CNTN5: variants seen among roughly 807,000 people sequenced by gnomAD.
CNTN5 encodes contactin-5.
In CNTN5, 77 loss-of-function variants were observed where a neutral mutation model predicts 129.1. The observed-to-expected ratio is 0.60, with a 90% CI of 0.50 to 0.72. The LOEUF is 0.72. CNTN5 is among the 30% of genes least tolerant of loss of function. CNTN5 has a pLI of 0.00. For synonymous variants in CNTN5, 509 were observed against 465.6 expected, an observed-to-expected ratio of 1.09 and a Z score of -1.20; for missense variants, 1,478 against 1,328.8, an observed-to-expected ratio of 1.11 and a Z score of -1.75.
chr11:100,337,440 A>G, intron 21 of CNTN5: 2 of 753,030 alleles, frequency 2.7e-6, no homozygotes, highest in East Asian at 5.0e-5. Context: ...TGTGGCCCAA[A>G]ATCAGGTGTT....
intron 7 of CNTN5, among the ~76,000 whole-genome samples, chr11:99,937,735 GACAA>G (rs1465064296): frequency 2.0e-5 from 3 of 152,182 alleles, no homozygotes; most frequent in Admixed American, 1.3e-4. Context: ...CTCGAAGCTT[GACAA>G]ACAGGCCAGG....
intron 1 of CNTN5, among the ~76,000 whole-genome samples, chr11:99,110,912 G>A (rs1476316070): frequency 6.6e-6 from 1 of 151,986 alleles, no homozygotes; most frequent in Non-Finnish European, 1.5e-5. Context: ...ATAAAACTTT[G>A]TTTTTATTTT....
intron 3 of CNTN5, among the ~76,000 whole-genome samples, chr11:99,659,005 C>T (rs1199178541): frequency 6.6e-6 from 1 of 151,930 alleles, no homozygotes; most frequent in Non-Finnish European, 1.5e-5. Context: ...GCACAAACAT[C>T]ATTTTATATT....
At chr11:99,289,933 C>T (rs1041193585) in intron 1 of CNTN5, among the ~76,000 whole-genome samples, 5 of 151,734 alleles carry the variant, frequency 3.3e-5, no homozygotes, top group African/African-American at 9.7e-5. Flanking sequence ...ATAGTCTCCT[C>T]GTGAACTTAC....
rs1323642824 is a variant in CNTN5 at position 100,356,825 on chromosome 11, C to A, written c.*605C>A. The stretch of plus-strand genomic sequence containing the variant: ...TTGTCAATATGCTATTCTATATGCA[C>A]CCCTAGAGCAAGTCATTAGGGTAGG... On this transcript the variant is annotated 3_prime_UTR_variant, in exon 25 of 25. Coordinates refer to ENST00000524871, the MANE Select transcript of CNTN5 (RefSeq NM_014361.4). 1 of 152,470 alleles carries A rather than the reference C, an allele frequency of 6.6e-6. No homozygotes were observed. The highest frequency in any genetic ancestry group is 6.6e-5 in the Admixed American group (1 of 15,244). The allele number at this position is 152,470 out of a possible 1,614,324, so 9.4% of individuals were successfully genotyped here. A position where few individuals can be genotyped will look rare whatever the true frequency, so the allele number is the denominator to read the frequency against.
intron 3 of CNTN5, among the ~76,000 whole-genome samples, chr11:99,606,779 T>A (rs909045395): frequency 1.4e-5 from 2 of 141,898 alleles, no homozygotes; most frequent in African/African-American, 5.2e-5. Flanking sequence ...AACAGAGCCC[T>A]CAGAAATAAT....
intron 3 of CNTN5, among the ~76,000 whole-genome samples, chr11:99,634,622 C>T (rs624620): frequency 0.6 from 91,696 of 152,036 alleles, 28,483 homozygotes; most frequent in Admixed American, 0.69. Context: ...CTGTTAGTCT[C>T]TCTTAGTCTA....
chr11:99,278,945 T>C (rs1434178294), intron 1 of CNTN5, among the ~76,000 whole-genome samples: 1 of 151,736 alleles, frequency 6.6e-6, no homozygotes, highest in Admixed American at 6.6e-5. Flanking sequence ...CTGGATTCCA[T>C]TCCTAAACTT....
intron 7 of CNTN5, among the ~76,000 whole-genome samples, chr11:99,919,597 A>G (rs1291922183): frequency 6.6e-6 from 1 of 152,074 alleles, no homozygotes; most frequent in Non-Finnish European, 1.5e-5. Context: ...AGATTTATTG[A>G]CATGCAATTT....
At chr11:100,227,709 A>C (rs1212831602) in intron 16 of CNTN5, among the ~76,000 whole-genome samples, 1 of 152,228 alleles carries the variant, frequency 6.6e-6, no homozygotes, top group Non-Finnish European at 1.5e-5. Context: ...GAAATATAAA[A>C]GGAAATTAAA....
intron 3 of CNTN5, among the ~76,000 whole-genome samples, chr11:99,574,199 T>A (rs1365851341): frequency 1.3e-5 from 2 of 152,190 alleles, no homozygotes; most frequent in Middle Eastern, 3.2e-3. Context: ...AATGATGGTT[T>A]CCTGCTTCAT....
intron 4 of CNTN5, among the ~76,000 whole-genome samples, chr11:99,833,499 G>A (rs1257710732): frequency 6.6e-6 from 1 of 152,146 alleles, no homozygotes; most frequent in African/African-American, 2.4e-5. Flanking sequence ...TAATCTTTGT[G>A]TTAGATGACT....
intron 2 of CNTN5, among the ~76,000 whole-genome samples, chr11:99,453,116 G>T (rs1230731619): frequency 6.6e-6 from 1 of 152,090 alleles, no homozygotes; most frequent in Non-Finnish European, 1.5e-5. Context: ...GTTAGAACCT[G>T]TAAAAGTAGC....
rs1950084296 is a variant in CNTN5 at position 99,927,293 on chromosome 11, C to T, written c.673+11144C>T. Among the ~76,000 whole-genome samples, 3 of 152,098 alleles carry T rather than the reference C, an allele frequency of 2.0e-5. No individual in the cohort carries two copies. The South Asian group carries it at 6.2e-4, about 32-fold the overall frequency. On this transcript the variant is annotated intron_variant, in intron 7 of 24. Transcript: ENST00000524871. ...ATATTGAAGCTCAGAGAGCAAGTTG[C>T]CTAAAATCCCATGGCTAATAAATAA...
intron 3 of CNTN5, among the ~76,000 whole-genome samples, chr11:99,719,133 C>T (rs1190393490): frequency 6.6e-6 from 1 of 152,040 alleles, no homozygotes; most frequent in South Asian, 2.1e-4. Context: ...ACCTGGACAA[C>T]ATTAATGAAA....
chr11:99,263,790 A>AT (rs1862756721), intron 1 of CNTN5, among the ~76,000 whole-genome samples: 3 of 146,344 alleles, frequency 2.0e-5, no homozygotes, highest in Admixed American at 1.4e-4. Flanking sequence ...CCCAGCTATT[A>AT]ATTTTTTTTT....
intron 3 of CNTN5, among the ~76,000 whole-genome samples, chr11:99,574,502 A>C (rs1475962912): frequency 5.3e-5 from 8 of 152,196 alleles, no homozygotes; most frequent in Non-Finnish European, 1.2e-4. Flanking sequence ...ACAATGATTG[A>C]ACTAATTTAC....
At position 99,916,732 on chromosome 11, in the gene CNTN5, T is replaced by C. The variant is rs144372751; in HGVS notation, c.673+583T>C. Reference sequence around the variant, plus strand: ...AAGCTCTGCTCAGATTAATTATACGTCCTTTTGCAAGCTTACACCTAATTA... The same window carrying C: ...AAGCTCTGCTCAGATTAATTATACGCCCTTTTGCAAGCTTACACCTAATTA... On this transcript the variant is annotated intron_variant, in intron 7 of 24. Transcript: ENST00000524871. Among the ~76,000 whole-genome samples, 4 of 152,252 alleles carry C rather than the reference T, an allele frequency of 2.6e-5. No homozygotes were observed. The East Asian group carries it at 7.7e-4, about 29-fold the overall frequency.
chr11:100,339,431 GC>G (rs1477541194), intron 21 of CNTN5, among the ~76,000 whole-genome samples: 1 of 152,124 alleles, frequency 6.6e-6, no homozygotes, highest in Non-Finnish European at 1.5e-5. Flanking sequence ...CTGAAGTGCA[GC>G]CCTCTCTCAT....
Sources: allele counts gnomAD v4.1 joint callset (sites outside exome capture counted in the v4.1 genomes callset), GRCh38; gene constraint gnomAD v4.1.1; transcripts MANE v1.5; gene names NCBI Gene and HGNC (gene_info 2026-07-23, HGNC 2026-07-21).